Variants in NRG3 observed in about 807,000 individuals in gnomAD.
NRG3 encodes the protein neuregulin 3, also known as pro-neuregulin-3, membrane-bound isoform.
A neutral mutation model predicts 66.9 loss-of-function variants in NRG3; 31 were observed. The ratio of observed to expected loss-of-function variants is 0.46; its 90% CI spans 0.35 to 0.63. The LOEUF is 0.63. NRG3 is among the 20% of genes least tolerant of loss of function. NRG3 has a pLI of 0.00. For missense variants in NRG3, 910 were observed against 878.9 expected, an observed-to-expected ratio of 1.04 and a Z score of -0.45; for synonymous variants, 393 against 359.4, an observed-to-expected ratio of 1.09 and a Z score of -1.06.
intron 1 of NRG3, among the ~76,000 whole-genome samples, chr10:82,265,525 TAA>T (rs914547986): frequency 6.6e-6 from 1 of 152,174 alleles, no homozygotes; most frequent in Non-Finnish European, 1.5e-5. Context: ...TACAAGGTAG[TAA>T]AGTGTCTGAA....
chr10:82,307,864 A>ATT lies in NRG3; in HGVS notation c.824-50867_824-50866dup, dbSNP rs200977908. On this transcript the variant is annotated intron_variant, in intron 1 of 8. Coordinates refer to ENST00000372141, the MANE Select transcript of NRG3 (RefSeq NM_001010848.4). ...TGGATGGTTTCACTATTTTTTTCAC[A>ATT]TTTTTTTTTACATTTATGCTGTGTA... is the stretch of plus-strand genomic sequence containing the variant. 8.8e-5 allele frequency among the ~76,000 whole-genome samples: 13 copies of ATT among 147,652 alleles called. No homozygotes were observed. The South Asian group carries it at 2.8e-3, about 32-fold the overall frequency.
At chr10:82,884,025 A>T (rs866131412) in intron 4 of NRG3, among the ~76,000 whole-genome samples, 85 of 151,438 alleles carry the variant, frequency 5.6e-4, no homozygotes, top group African/African-American at 2.0e-3. Flanking sequence ...AAATGTATTT[A>T]TATTAAGTTT....
At chr10:82,779,393 G>A (rs1366952723) in intron 3 of NRG3, among the ~76,000 whole-genome samples, 1 of 152,102 alleles carries the variant, frequency 6.6e-6, no homozygotes, top group Non-Finnish European at 1.5e-5. Flanking sequence ...GCCCTTCTGA[G>A]TTTCTGTGAT....
chr10:82,375,057 G>T (rs2085126455), intron 2 of NRG3, among the ~76,000 whole-genome samples: 1 of 152,130 alleles, frequency 6.6e-6, no homozygotes, highest in Middle Eastern at 3.2e-3. Context: ...GATCACATTT[G>T]CTATTCACAG....
intron 3 of NRG3, among the ~76,000 whole-genome samples, chr10:82,825,698 T>C (rs1251591248): frequency 5.9e-5 from 9 of 152,228 alleles, no homozygotes; most frequent in African/African-American, 1.9e-4. Context: ...ATTCAAAACT[T>C]ATTATCGGAT....
At chr10:81,959,605 T>C (rs1055224227) in intron 1 of NRG3, among the ~76,000 whole-genome samples, 1 of 152,158 alleles carries the variant, frequency 6.6e-6, no homozygotes, top group African/African-American at 2.4e-5. Context: ...TTTTTATTTT[T>C]CCTGATGTGG....
At chr10:82,483,926 A>G (rs1000156307) in intron 2 of NRG3, among the ~76,000 whole-genome samples, 3 of 152,216 alleles carry the variant, frequency 2.0e-5, no homozygotes, top group Non-Finnish European at 4.4e-5. Context: ...AGAAAATGCT[A>G]TATGCATTAG....
At chr10:82,448,734 A>G (rs1176431523) in intron 2 of NRG3, among the ~76,000 whole-genome samples, 1 of 152,136 alleles carries the variant, frequency 6.6e-6, no homozygotes, top group Non-Finnish European at 1.5e-5. Context: ...TTCAACTTTT[A>G]TTGCACTTAA....
chr10:82,558,722 G>A (rs991970879), intron 2 of NRG3, among the ~76,000 whole-genome samples: 2 of 152,072 alleles, frequency 1.3e-5, no homozygotes, highest in African/African-American at 4.8e-5. Context: ...AATAAATATA[G>A]AGATGCTCAT....
rs560886095 is a variant in NRG3 at position 82,962,867 on chromosome 10, A to T, written c.1284+3792A>T. 2.6e-5 allele frequency among the ~76,000 whole-genome samples: 4 copies of T among 152,182 alleles called. No individual in the cohort carries two copies. The South Asian group carries it at 8.3e-4, about 32-fold the overall frequency. ...ACAAACAAACAAAAAAAACAAAACC[A>T]AAAAAGAATTTAGTGCCTAACAGAG... On this transcript the variant is annotated intron_variant, in intron 6 of 8. Transcript: ENST00000372141.
At chr10:82,788,835 C>G (rs2060472604) in intron 3 of NRG3, among the ~76,000 whole-genome samples, 1 of 151,722 alleles carries the variant, frequency 6.6e-6, no homozygotes, top group South Asian at 2.1e-4. Flanking sequence ...GCTTATTTCA[C>G]TTAGGGTAAC....
chr10:82,550,637 G>T (rs573850495), intron 2 of NRG3, among the ~76,000 whole-genome samples: 1 of 152,122 alleles, frequency 6.6e-6, no homozygotes, highest in South Asian at 2.1e-4. Flanking sequence ...CTAATTCCTT[G>T]GGTTGTCCTA....
chr10:82,913,217 T>C (rs961389913), intron 4 of NRG3, among the ~76,000 whole-genome samples: 1 of 152,018 alleles, frequency 6.6e-6, no homozygotes, highest in East Asian at 1.9e-4. Context: ...AGAGCGAGAC[T>C]CAATATTTTT....
intron 1 of NRG3, among the ~76,000 whole-genome samples, chr10:82,171,467 T>C (rs916438711): frequency 6.6e-6 from 1 of 152,004 alleles, no homozygotes. Flanking sequence ...TAGAATGATA[T>C]AGGTCATAAA....
rs141703876 is a variant in NRG3, at chr10:82,865,731, T to C, written c.1054+294T>C. Among the ~76,000 whole-genome samples the C allele has an allele frequency of 1.2e-4, 18 of 152,274 alleles. No individual in the cohort carries two copies. In the East Asian group the frequency reaches 3.3e-3, roughly 28 times the overall value. ...ATTCTCAATTTTCATATCTGTAAAA[T>C]AGGGATAATAATAGGTTCTATTTTC... On this transcript the variant is annotated intron_variant, in intron 4 of 8. Coordinates refer to ENST00000372141, the MANE Select transcript of NRG3 (RefSeq NM_001010848.4).
chr10:82,041,788 A>G (rs2063051058), intron 1 of NRG3, among the ~76,000 whole-genome samples: 1 of 143,492 alleles, frequency 7.0e-6, no homozygotes, highest in African/African-American at 2.5e-5. Flanking sequence ...TTTTTGCCAT[A>G]TGAAAGAAGA....
intron 2 of NRG3, among the ~76,000 whole-genome samples, chr10:82,558,301 A>G (rs952065094): frequency 3.3e-5 from 5 of 152,128 alleles, no homozygotes; most frequent in African/African-American, 1.2e-4. Flanking sequence ...CTGAATTACC[A>G]TTCTTCCTTA....
intron 2 of NRG3, among the ~76,000 whole-genome samples, chr10:82,438,486 C>CG (rs1430961962): frequency 6.6e-6 from 1 of 152,224 alleles, no homozygotes; most frequent in Admixed American, 6.5e-5. Context: ...TAGGCAGTTG[C>CG]AAGTCCCAGT....
intron 2 of NRG3, among the ~76,000 whole-genome samples, chr10:82,680,001 A>G (rs1320946886): frequency 6.6e-6 from 1 of 152,198 alleles, no homozygotes; most frequent in Admixed American, 6.5e-5. Flanking sequence ...ATCTATATCA[A>G]TGCCATGGTT....
Sources: gnomAD v4.1 joint callset for allele counts (sites outside exome capture counted in the v4.1 genomes callset) on GRCh38, gnomAD v4.1.1 for gene constraint, MANE v1.5 for transcripts, NCBI Gene and HGNC (gene_info 2026-07-23, HGNC 2026-07-21) for gene names.